PSMA1: variants seen among roughly 807,000 people sequenced by gnomAD.
The protein encoded by PSMA1 is proteasome subunit alpha type-1.
Under a neutral mutation model 38.4 loss-of-function variants are expected in PSMA1, and 3 were observed. That is an observed-to-expected ratio of 0.08 (90% CI 0.04 to 0.20). The LOEUF (loss-of-function observed/expected upper bound fraction) is 0.20. PSMA1 is among the 10% of genes least tolerant of loss of function. The pLI is 1.00. For missense variants in PSMA1, 227 were observed against 325.3 expected (o/e 0.70, Z 2.32); for synonymous variants, 101 against 107.1 (o/e 0.94, Z 0.35).
Position 14,534,435 on chromosome 11 carries a change from A to C in PSMA1, c.22-15394T>G, listed in dbSNP as rs531069179. Among the ~76,000 whole-genome samples the C allele has an allele frequency of 6.6e-5, 10 of 152,284 alleles. No homozygotes were observed. In the East Asian group the frequency reaches 1.9e-3, roughly 29 times the overall value. ...TGATAGCCTTTAAACAGCTTGCTTTAAACTAGCCTTATCTGCACCCACTCC... is the reference window on the plus strand; with the variant it reads ...TGATAGCCTTTAAACAGCTTGCTTTCAACTAGCCTTATCTGCACCCACTCC... On this transcript the variant is annotated intron_variant, in intron 2 of 10. Coordinates refer to the PSMA1 transcript ENST00000418988. The surrounding 1 kb of genome is among the most constrained non-coding windows in gnomAD (Gnocchi z 4.5).
chr11:14,628,552 C>A (rs1304008809), intron 1 of PSMA1, among the ~76,000 whole-genome samples: 2 of 150,490 alleles, frequency 1.3e-5, no homozygotes, highest in South Asian at 2.1e-4. Context: ...ACATTTTCTT[C>A]ATCCAGTCTA....
chr11:14,505,851 A>C (rs1394479756), intron 9 of PSMA1, among the ~76,000 whole-genome samples: 1 of 152,058 alleles, frequency 6.6e-6, no homozygotes, highest in Non-Finnish European at 1.5e-5. Context: ...CTAAAAAGAA[A>C]AAAAATGTGC....
intron 2 of PSMA1, among the ~76,000 whole-genome samples, chr11:14,576,221 C>T (rs1452127518): frequency 2.6e-5 from 4 of 152,092 alleles, no homozygotes; most frequent in African/African-American, 9.7e-5. Context: ...TTCTCCCATT[C>T]TGTAGGTTGC....
intron 4 of PSMA1, among the ~76,000 whole-genome samples, chr11:14,516,746 C>T (rs1282980215): frequency 1.3e-5 from 2 of 151,886 alleles, no homozygotes. Flanking sequence ...GCCAACATGG[C>T]GAAACCCCGT....
chr11:14,616,759 G>T (rs2134201391), intron 1 of PSMA1, among the ~76,000 whole-genome samples: 1 of 152,202 alleles, frequency 6.6e-6, no homozygotes, highest in African/African-American at 2.4e-5. Context: ...TTTGTAGGTG[G>T]AGAAATTGAA....
intron 1 of PSMA1, chr11:14,611,179 A>G: frequency 3.5e-6 from 2 of 563,708 alleles, no homozygotes; most frequent in South Asian, 4.6e-5. Context: ...AGGTAAAAGG[A>G]ACATGAGTTA....
intron 1 of PSMA1, among the ~76,000 whole-genome samples, chr11:14,612,715 T>C (rs1852724717): frequency 6.6e-6 from 1 of 152,190 alleles, no homozygotes; most frequent in African/African-American, 2.4e-5. Context: ...ATTTTTAGTA[T>C]CCTCTGTATC....
intron 2 of PSMA1, among the ~76,000 whole-genome samples, chr11:14,593,744 T>C (rs910113132): frequency 2.6e-5 from 4 of 152,168 alleles, no homozygotes; most frequent in Admixed American, 1.3e-4. Flanking sequence ...CTATTCAGTA[T>C]GTGGTCCTGG....
At chr11:14,637,420 A>C (rs1335081457) in intron 1 of PSMA1, among the ~76,000 whole-genome samples, 1 of 152,080 alleles carries the variant, frequency 6.6e-6, no homozygotes, top group Non-Finnish European at 1.5e-5. Flanking sequence ...TTGTTTACTT[A>C]TTTTCTCCTT....
chr11:14,578,976 T>G (rs1852251048), intron 2 of PSMA1, among the ~76,000 whole-genome samples: 1 of 152,224 alleles, frequency 6.6e-6, no homozygotes, highest in Non-Finnish European at 1.5e-5. Context: ...CTCAACATTC[T>G]GTGAGGATGG....
chr11:14,530,542 T>C (rs1023905459), intron 2 of PSMA1, among the ~76,000 whole-genome samples: 3 of 152,192 alleles, frequency 2.0e-5, no homozygotes, highest in African/African-American at 7.2e-5. Flanking sequence ...TGGAGGATAA[T>C]GTTTCATATT....
chr11:14,625,710 C>A (rs2133714144), intron 1 of PSMA1, among the ~76,000 whole-genome samples: 1 of 152,308 alleles, frequency 6.6e-6, no homozygotes, highest in Middle Eastern at 3.4e-3. Context: ...AAGGCTCTTT[C>A]TACCTAATCC....
chr11:14,537,546 G>GTT (rs199568590), intron 2 of PSMA1, among the ~76,000 whole-genome samples: 2 of 134,316 alleles, frequency 1.5e-5, no homozygotes, highest in Non-Finnish European at 1.6e-5. Flanking sequence ...TCCCTGCAGG[G>GTT]TTTTTTTTTT....
intron 9 of PSMA1, among the ~76,000 whole-genome samples, chr11:14,505,843 A>G (rs921331368): frequency 2.0e-5 from 3 of 152,050 alleles, no homozygotes; most frequent in African/African-American, 7.2e-5. Flanking sequence ...CATCTCTACT[A>G]AAAAGAAAAA....
chr11:14,640,263 A>T (rs116385800), intron 1 of PSMA1, among the ~76,000 whole-genome samples: 2,369 of 152,302 alleles, frequency 0.016, 54 homozygotes, highest in African/African-American at 0.054. Context: ...AGACTGTAAG[A>T]GAGAGAAATG....
At chr11:14,593,288 A>G (rs898741055) in intron 2 of PSMA1, among the ~76,000 whole-genome samples, 30 of 152,236 alleles carry the variant, frequency 2.0e-4, no homozygotes, top group Admixed American at 4.6e-4. Context: ...GACTTCTGAG[A>G]GCCTTGTATA....
chr11:14,535,485 C>T lies in PSMA1; in HGVS notation c.22-16444G>A, dbSNP rs1358331995. Among the ~76,000 whole-genome samples the T allele has an allele frequency of 4.7e-5, 7 of 149,928 alleles. No homozygotes were observed. In the East Asian group the frequency reaches 1.2e-3, roughly 25 times the overall value. ...TGAGACGGAGTTTTGCTCTTGTTGCCTAGGCTAGAGTGCAATGGCACGATC... is the reference window on the plus strand; with the variant it reads ...TGAGACGGAGTTTTGCTCTTGTTGCTTAGGCTAGAGTGCAATGGCACGATC... On this transcript the variant is annotated intron_variant, in intron 2 of 10. Coordinates refer to the PSMA1 transcript ENST00000418988.
intron 2 of PSMA1, among the ~76,000 whole-genome samples, chr11:14,573,866 A>G (rs1485411166): frequency 6.6e-6 from 1 of 152,178 alleles, no homozygotes; most frequent in Non-Finnish European, 1.5e-5. Context: ...ATGCATTAGC[A>G]AAGAGCCTGG....
At chr11:14,626,459 T>C (rs935838104) in intron 1 of PSMA1, among the ~76,000 whole-genome samples, 62 of 152,190 alleles carry the variant, frequency 4.1e-4, no homozygotes, top group Admixed American at 2.4e-3. Context: ...CAAGTAAAGG[T>C]ATTTACTCTC....
Sources: allele counts gnomAD v4.1 joint callset (sites outside exome capture counted in the v4.1 genomes callset), GRCh38; gene constraint gnomAD v4.1.1; non-coding constraint Gnocchi (gnomAD v3.1); transcripts MANE v1.5; gene names NCBI Gene and HGNC (gene_info 2026-07-23, HGNC 2026-07-21).